Variants in SGCD observed in about 807,000 individuals in gnomAD.
The protein encoded by SGCD is delta-sarcoglycan.
In SGCD, 18 loss-of-function variants were observed where a neutral mutation model predicts 36.6. The observed-to-expected ratio is 0.49, with a 90% CI of 0.34 to 0.73. The LOEUF (loss-of-function observed/expected upper bound fraction) is 0.73, where lower values mean the gene tolerates loss of function less well. Ranked by LOEUF, SGCD falls within the 30% of genes least tolerant of loss-of-function variation. The pLI is 0.01. For missense variants in SGCD, 387 were observed against 346.7 expected, an observed-to-expected ratio of 1.12 and a Z score of -0.92; for synonymous variants, 133 against 130.6, an observed-to-expected ratio of 1.02 and a Z score of -0.12.
chr5:156,384,174 C>T (rs998085948), intron 3 of SGCD, among the ~76,000 whole-genome samples: 12 of 152,188 alleles, frequency 7.9e-5, no homozygotes, highest in African/African-American at 2.4e-4. Flanking sequence ...CTGGATACTT[C>T]GCATTGCTGG....
At chr5:156,070,443 G>T (rs1483624552) in intron 1 of SGCD, among the ~76,000 whole-genome samples, 1 of 150,816 alleles carries the variant, frequency 6.6e-6, no homozygotes, top group Non-Finnish European at 1.5e-5. Context: ...TTATTGATTT[G>T]TGTATATTGA....
chr5:156,671,296 A>G lies in SGCD; in HGVS notation c.575+23760A>G, dbSNP rs1324364384. On this transcript the variant is annotated intron_variant, in intron 7 of 8. Coordinates refer to ENST00000337851, the MANE Select transcript of SGCD (RefSeq NM_000337.6). ...TCTTTTTTTTTTTTTTTTTTGAGACAGAGTCTCGCTCTGTCACCCAGGCTG... is the reference window on the plus strand; with the variant it reads ...TCTTTTTTTTTTTTTTTTTTGAGACGGAGTCTCGCTCTGTCACCCAGGCTG... Among the ~76,000 whole-genome samples, 4 of 137,920 alleles carry G rather than the reference A, an allele frequency of 2.9e-5. No individual in the cohort carries two copies. The Admixed American group carries it at 3.0e-4, about 10-fold the overall frequency. 90.5% of individuals were successfully genotyped at this position (137,920 alleles called of 152,430 possible).
At chr5:156,551,948 G>A (rs1046145982) in intron 4 of SGCD, among the ~76,000 whole-genome samples, 4 of 152,096 alleles carry the variant, frequency 2.6e-5, no homozygotes, top group Non-Finnish European at 5.9e-5. Flanking sequence ...CTGAAAAAAT[G>A]GGGTTCTTGT....
intron 1 of SGCD, among the ~76,000 whole-genome samples, chr5:156,011,169 A>G (rs1243528651): frequency 6.6e-6 from 1 of 152,224 alleles, no homozygotes; most frequent in East Asian, 1.9e-4. Context: ...ACTGAACTAG[A>G]TACTTTACAT....
At chr5:156,043,190 G>A (rs966634962) in intron 1 of SGCD, among the ~76,000 whole-genome samples, 1 of 152,096 alleles carries the variant, frequency 6.6e-6, no homozygotes, top group Non-Finnish European at 1.5e-5. Context: ...AGTTCTGGAA[G>A]AACAAGTATC....
rs1305908838 is a variant in SGCD, at chr5:156,430,670, T to C, written c.193-77931T>C. ...TTGTTTGGACTATGTTTTTTTTTAT[T>C]TCATTTTTCCTCTCAACGATTGGAC... is the stretch of plus-strand genomic sequence containing the variant. On this transcript the variant is annotated intron_variant, in intron 3 of 8. Transcript: ENST00000337851. 2.0e-5 allele frequency among the ~76,000 whole-genome samples: 3 copies of C among 152,200 alleles called. No individual in the cohort carries two copies. In the South Asian group the frequency reaches 6.2e-4, roughly 31 times the overall value.
chr5:155,813,809 C>T, the SGCD span, among the ~76,000 whole-genome samples: 1 of 152,128 alleles, frequency 6.6e-6, no homozygotes, highest in Non-Finnish European at 1.5e-5. Flanking sequence ...TATAATGTCA[C>T]CATAAAAGGA....
At chr5:155,919,290 C>T (rs959673684) in intron 1 of SGCD, among the ~76,000 whole-genome samples, 4 of 152,174 alleles carry the variant, frequency 2.6e-5, no homozygotes, top group Non-Finnish European at 4.4e-5. Flanking sequence ...GATTGAGTTA[C>T]GACATGCACA....
intron 3 of SGCD, among the ~76,000 whole-genome samples, chr5:156,441,594 T>C (rs1753493837): frequency 6.6e-6 from 1 of 152,210 alleles, no homozygotes; most frequent in Non-Finnish European, 1.5e-5. Flanking sequence ...TTAGTGTGAC[T>C]AATTGAAAGA....
chr5:156,160,518 T>C (rs191731322), intron 3 of SGCD, among the ~76,000 whole-genome samples: 1 of 151,814 alleles, frequency 6.6e-6, no homozygotes, highest in East Asian at 1.9e-4. Context: ...AATCTAATTA[T>C]TGCTGGATTC....
At position 156,599,879 on chromosome 5, in the gene SGCD, G is replaced by A. The variant is rs2113408161; in HGVS notation, c.502+4828G>A. ...TTGGGTATGTTGCTTCATCGTTCTA[G>A]GGATCCTCTTATAACTCTGTGACAT... On this transcript the variant is annotated intron_variant, in intron 6 of 8. Coordinates refer to ENST00000337851, the MANE Select transcript of SGCD (RefSeq NM_000337.6). Among the ~76,000 whole-genome samples, 2 of 152,268 alleles carry A rather than the reference G, an allele frequency of 1.3e-5. 1 individual carries two copies. The highest frequency in any genetic ancestry group is 4.1e-4 in the South Asian group (2 of 4,824).
At chr5:156,712,759 C>A (rs901963383) in intron 7 of SGCD, among the ~76,000 whole-genome samples, 1 of 152,168 alleles carries the variant, frequency 6.6e-6, no homozygotes, top group East Asian at 1.9e-4. Flanking sequence ...GTGTGCCATT[C>A]CACAGGCCCC....
At chr5:155,788,376 T>C in the SGCD span, among the ~76,000 whole-genome samples, 1 of 152,150 alleles carries the variant, frequency 6.6e-6, no homozygotes, top group Non-Finnish European at 1.5e-5. Flanking sequence ...AATGTAAATC[T>C]TTTTAGTCTT....
intron 1 of SGCD, among the ~76,000 whole-genome samples, chr5:155,907,507 G>A (rs1404119995): frequency 3.3e-5 from 5 of 152,088 alleles, no homozygotes; most frequent in Admixed American, 2.6e-4. Context: ...GGTCAAAATA[G>A]CAATGTTAGT....
intron 3 of SGCD, among the ~76,000 whole-genome samples, chr5:156,282,617 T>G (rs564827958): frequency 3.9e-4 from 60 of 152,358 alleles, no homozygotes; most frequent in Admixed American, 2.9e-3. Flanking sequence ...GTAATATGGT[T>G]GGATGCTATT....
intron 6 of SGCD, among the ~76,000 whole-genome samples, chr5:156,595,418 T>C (rs980740923): frequency 3.8e-4 from 58 of 152,186 alleles, no homozygotes; most frequent in African/African-American, 1.3e-3. Flanking sequence ...TTCTGTTGTT[T>C]ATAAGCCACC....
chr5:155,727,843 T>A, the SGCD span, among the ~76,000 whole-genome samples: 1 of 152,222 alleles, frequency 6.6e-6, no homozygotes, highest in African/African-American at 2.4e-5. Flanking sequence ...GAACAAGCTC[T>A]CGCTGGGAAT....
intron 3 of SGCD, among the ~76,000 whole-genome samples, chr5:156,212,314 C>T (rs535987627): frequency 1.3e-5 from 2 of 152,238 alleles, no homozygotes; most frequent in East Asian, 3.9e-4. Flanking sequence ...AAGGCATGTT[C>T]TTTGCAAATG....
chr5:156,179,263 TA>T (rs1220234826), intron 3 of SGCD, among the ~76,000 whole-genome samples: 2 of 152,212 alleles, frequency 1.3e-5, no homozygotes, highest in East Asian at 3.8e-4. Flanking sequence ...GCTTGGTTTT[TA>T]AAAAATCTTA....
Sources: gnomAD v4.1 joint callset for allele counts (sites outside exome capture counted in the v4.1 genomes callset) on GRCh38, gnomAD v4.1.1 for gene constraint, MANE v1.5 for transcripts, NCBI Gene and HGNC (gene_info 2026-07-23, HGNC 2026-07-21) for gene names.